C1orf185: variants seen among roughly 807,000 people sequenced by gnomAD.
The protein encoded by C1orf185 is chromosome 1 open reading frame 185, also known as uncharacterized protein C1orf185.
In C1orf185, 13 loss-of-function variants were observed where a neutral mutation model predicts 16.1. The ratio of observed to expected loss-of-function variants is 0.81; its 90% confidence interval spans 0.53 to 1.28. The LOEUF is 1.28. Among genes scored for constraint, C1orf185 ranks in the 50% most tolerant of loss-of-function variants. C1orf185 has a pLI of 0.00. For synonymous variants in C1orf185, 80 were observed against 76.9 expected (o/e 1.04, Z -0.21); for missense variants, 220 against 225.2 (o/e 0.98, Z 0.15).
intron 4 of C1orf185, among the ~76,000 whole-genome samples, 172 bp downstream of exon 4, chr1:51,145,932 C>A (rs895893917): frequency 1.3e-5 from 2 of 151,840 alleles, no homozygotes; most frequent in Admixed American, 1.3e-4. Flanking sequence ...TTAGAAAAAA[C>A]AAAACTTGCA....
In C1orf185 at chr1:51,147,688, C is replaced by A; in HGVS notation, c.517C>A (p.Pro173Thr). 6.4e-7 allele frequency: 1 copy of A among 1,551,080 alleles called. No individual in the cohort carries two copies. Among genetic ancestry groups the A allele is most frequent in the African/African-American group, 1.4e-5 (1 of 73,082 alleles). Reference sequence around the variant, plus strand: ...CTCTCCAATGCCTTCTCTCGGGGAACCTCTAATGGAAAAAGTATTTTCATA... The same window carrying A: ...CTCTCCAATGCCTTCTCTCGGGGAAACTCTAATGGAAAAAGTATTTTCATA... ...RNSPMPSLGE[P>T]LMEKVFSYLS... Residue 173 changes from proline to threonine, a missense_variant, in exon 5 of 5, where the codon CCT becomes ACT. By Grantham distance (38) the Pro-to-Thr change is conservative. Transcript: ENST00000371759.
intron 3 of C1orf185, among the ~76,000 whole-genome samples, chr1:51,143,180 A>G (rs1284637424): frequency 2.0e-5 from 3 of 152,174 alleles, no homozygotes; most frequent in Non-Finnish European, 4.4e-5. Context: ...TTAATAAACG[A>G]CCTGTGTGAA....
chr1:51,121,230 T>C (rs944640571), intron 3 of C1orf185, among the ~76,000 whole-genome samples: 2 of 152,120 alleles, frequency 1.3e-5, no homozygotes, highest in Admixed American at 6.6e-5. Flanking sequence ...ACTGAAATTT[T>C]GTATCCTTTG....
downstream of C1orf185, among the ~76,000 whole-genome samples, chr1:51,151,599 G>A (rs116554311): frequency 7.2e-3 from 1,091 of 152,256 alleles, 14 homozygotes; most frequent in African/African-American, 0.025. Context: ...CCTCAGCAGC[G>A]ACTGCCTTTG....
intron 3 of C1orf185, among the ~76,000 whole-genome samples, chr1:51,132,936 C>T (rs1259181426): frequency 3.9e-5 from 6 of 152,104 alleles, no homozygotes; most frequent in African/African-American, 1.4e-4. Flanking sequence ...AAATTCCAAC[C>T]CAGAATTTCA....
chr1:51,150,847 T>C (rs1311434356), downstream of C1orf185, among the ~76,000 whole-genome samples: 4 of 152,220 alleles, frequency 2.6e-5, no homozygotes, highest in Non-Finnish European at 5.9e-5. Context: ...AGGGTCAAGA[T>C]AATGCCTGCA....
downstream of C1orf185, among the ~76,000 whole-genome samples, chr1:51,150,207 T>TG (rs1646424013): frequency 1.3e-5 from 2 of 151,856 alleles, no homozygotes. Context: ...TTTTTTTTTT[T>TG]TTGAGACAGA....
Position 51,116,439 on chromosome 1 carries a change from GAGTAGCTGGGGCTACAGGTGCATGCCA to G in C1orf185, c.123-2225_123-2199del, listed in dbSNP as rs1370220991. Among the ~76,000 whole-genome samples, 9 of 151,244 alleles carry G rather than the reference GAGTAGCTGGGGCTACAGGTGCATGCCA, an allele frequency of 6.0e-5. No homozygotes were observed. In the East Asian group the frequency reaches 1.8e-3, roughly 29 times the overall value. On this transcript the variant is annotated intron_variant, in intron 2 of 4. Transcript: ENST00000371759. ...AGCAATTCTCCTGCCACAGCCTCCT[GAGTAGCTGGGGCTACAGGTGCATGCCA>G]ACACATCCAGCTAATTTTTGTATTT...
chr1:51,105,529 G>A (rs1646062759), intron 1 of C1orf185, among the ~76,000 whole-genome samples: 1 of 151,992 alleles, frequency 6.6e-6, no homozygotes, highest in South Asian at 2.1e-4. Flanking sequence ...TTTAATACTA[G>A]CATCTATCAT....
chr1:51,139,895 A>G (rs371958049), intron 3 of C1orf185, among the ~76,000 whole-genome samples: 455 of 152,306 alleles, frequency 3.0e-3, no homozygotes, highest in South Asian at 7.9e-3. Context: ...CTGGTATCCA[A>G]GCTGAAGGGA....
At chr1:51,137,905 C>T (rs140647669) in intron 3 of C1orf185, among the ~76,000 whole-genome samples, 9 of 152,254 alleles carry the variant, frequency 5.9e-5, no homozygotes, top group Non-Finnish European at 7.4e-5. Flanking sequence ...ATTGCAGGAA[C>T]GTGGATGGAA....
At position 51,147,576 on chromosome 1, in the gene C1orf185, A is replaced by G. The variant is rs2148035459; in HGVS notation, c.405A>G (p.Leu135=). 5 of 1,551,600 alleles carry G rather than the reference A, an allele frequency of 3.2e-6. No individual in the cohort carries two copies. In the South Asian group the frequency reaches 4.8e-5, roughly 15 times the overall value. Reference sequence around the variant, plus strand: ...ATCGCAGCAGTGTTACATTAAGCTTATCAACATTACCATCTGATTCTTATT... The same window carrying G: ...ATCGCAGCAGTGTTACATTAAGCTTGTCAACATTACCATCTGATTCTTATT... ...TTNRSSVTLS[L]STLPSDSYYS... The change falls in exon 5 of 5, where the codon TTA becomes TTG. Residue 135 remains leucine (L), a synonymous_variant. Coordinates refer to ENST00000371759, the MANE Select transcript of C1orf185 (RefSeq NM_001136508.2).
chr1:51,130,413 G>T (rs1233943197), intron 3 of C1orf185, among the ~76,000 whole-genome samples: 4 of 150,882 alleles, frequency 2.7e-5, no homozygotes, highest in African/African-American at 9.8e-5. Context: ...CTTAACTCCT[G>T]GGCTCAAGTG....
rs1453144215 is a variant in C1orf185, at chr1:51,128,205, A to T, written c.258+9404A>T. Among the ~76,000 whole-genome samples the T allele has an allele frequency of 2.0e-5, 3 of 151,960 alleles. No individual in the cohort carries two copies. In the East Asian group the frequency reaches 5.8e-4, roughly 29 times the overall value. On this transcript the variant is annotated intron_variant, in intron 3 of 4. Transcript: ENST00000371759. Reference sequence around the variant, plus strand: ...CGCCCAGCCTGTATTTTCATTTTTCATGGGAAAGTACCTGAACCTGGAATT... The same window carrying T: ...CGCCCAGCCTGTATTTTCATTTTTCTTGGGAAAGTACCTGAACCTGGAATT...
At chr1:51,126,407 G>T (rs1646240877) in intron 3 of C1orf185, among the ~76,000 whole-genome samples, 1 of 151,740 alleles carries the variant, frequency 6.6e-6, no homozygotes, top group African/African-American at 2.4e-5. Flanking sequence ...GGAACTACAG[G>T]TACACACCAC....
chr1:51,136,538 A>G (rs1646326450), intron 3 of C1orf185, among the ~76,000 whole-genome samples: 1 of 152,126 alleles, frequency 6.6e-6, no homozygotes, highest in Non-Finnish European at 1.5e-5. Context: ...ACTGTTTTGT[A>G]CTGGTACAAA....
At chr1:51,129,003 G>A (rs970884613) in intron 3 of C1orf185, among the ~76,000 whole-genome samples, 1 of 152,038 alleles carries the variant, frequency 6.6e-6, no homozygotes, top group East Asian at 2.0e-4. Context: ...TCCTGCCTCA[G>A]CCTCCTGAGT....
At chr1:51,136,003 T>C (rs981822823) in intron 3 of C1orf185, among the ~76,000 whole-genome samples, 2 of 152,174 alleles carry the variant, frequency 1.3e-5, no homozygotes, top group African/African-American at 4.8e-5. Context: ...AACGTTCCTA[T>C]ACACCAACAA....
At chr1:51,107,617 T>C (rs1570285961) in intron 1 of C1orf185, among the ~76,000 whole-genome samples, 1 of 152,198 alleles carries the variant, frequency 6.6e-6, no homozygotes, top group Non-Finnish European at 1.5e-5. Flanking sequence ...CTGACACATA[T>C]AGATCTAGTT....
Sources: gnomAD v4.1 joint callset for allele counts (sites outside exome capture counted in the v4.1 genomes callset) on GRCh38, gnomAD v4.1.1 for gene constraint, MANE v1.5 for transcripts, NCBI Gene and HGNC (gene_info 2026-07-23, HGNC 2026-07-21) for gene names.